The following ASTN2 variants were observed in gnomAD, a reference collection of about 807,000 sequenced individuals.
ASTN2 encodes the protein astrotactin-2.
In ASTN2, 54 loss-of-function variants were observed where a neutral mutation model predicts 139.8. That is an observed-to-expected ratio of 0.39 (90% CI 0.31 to 0.48). The LOEUF is 0.48. Among genes scored for constraint, ASTN2 ranks in the 20% least tolerant of loss-of-function variants. The probability of loss-of-function intolerance (pLI) is 0.95; values close to 1 mark genes in which losing one functional copy is unlikely to be tolerated. For missense variants in ASTN2, 1,565 were observed against 1,725.1 expected, an observed-to-expected ratio of 0.91 and a Z score of 1.64; for synonymous variants, 756 against 719.5, an observed-to-expected ratio of 1.05 and a Z score of -0.81.
chr9:116,490,508 G>GT (rs1337882075), intron 19 of ASTN2, among the ~76,000 whole-genome samples: 1 of 151,938 alleles, frequency 6.6e-6, no homozygotes, highest in Non-Finnish European at 1.5e-5. Context: ...CTTCATGAGT[G>GT]TATTAGTCAT....
intron 10 of ASTN2, among the ~76,000 whole-genome samples, chr9:116,967,301 G>T (rs1836040657): frequency 6.6e-6 from 1 of 152,206 alleles, no homozygotes; most frequent in Admixed American, 6.5e-5. Flanking sequence ...CCCAAGGTCA[G>T]CTAGTCAGTG....
intron 4 of ASTN2, among the ~76,000 whole-genome samples, chr9:117,104,398 A>T (rs1259116370): frequency 1.3e-5 from 2 of 152,198 alleles, no homozygotes; most frequent in East Asian, 3.9e-4. Flanking sequence ...TGCAGAGAAG[A>T]ATACAAAGAG....
intron 15 of ASTN2, among the ~76,000 whole-genome samples, chr9:116,726,596 C>T (rs1478086297): frequency 6.6e-6 from 1 of 152,144 alleles, no homozygotes; most frequent in African/African-American, 2.4e-5. Context: ...CCTGGTTTAG[C>T]TTCCTGTAGC....
At chr9:117,151,694 G>A (rs1830329785) in intron 3 of ASTN2, among the ~76,000 whole-genome samples, 1 of 152,070 alleles carries the variant, frequency 6.6e-6, no homozygotes, top group African/African-American at 2.4e-5. Context: ...GACAGAAAGA[G>A]TATTATGAGC....
intron 10 of ASTN2, among the ~76,000 whole-genome samples, chr9:116,923,352 T>C (rs1364685529): frequency 2.0e-5 from 3 of 152,184 alleles, no homozygotes; most frequent in Admixed American, 2.0e-4. Context: ...TTTGGGTTGA[T>C]CATGGTACCA....
chr9:117,364,959 A>T (rs1158905397), intron 1 of ASTN2, among the ~76,000 whole-genome samples: 5 of 126,642 alleles, frequency 3.9e-5, no homozygotes, highest in Non-Finnish European at 8.8e-5. Flanking sequence ...CAACACACAC[A>T]CACACACACA....
intron 16 of ASTN2, chr9:116,700,128 T>C (rs1396955805): frequency 3.8e-6 from 1 of 261,480 alleles, no homozygotes; most frequent in African/African-American, 2.3e-5. Flanking sequence ...CACTTTCTCT[T>C]GAACTCTGAT....
chr9:116,647,682 G>T (rs1247553812), intron 17 of ASTN2, among the ~76,000 whole-genome samples: 1 of 152,194 alleles, frequency 6.6e-6, no homozygotes, highest in East Asian at 1.9e-4. Context: ...GGCCCAGAAA[G>T]GCCGTCACTG....
chr9:116,982,298 C>T (rs1836532721), intron 7 of ASTN2, among the ~76,000 whole-genome samples: 1 of 152,146 alleles, frequency 6.6e-6, no homozygotes, highest in Admixed American at 6.5e-5. Context: ...GGAGCTGACA[C>T]CATATGCCTG....
At chr9:116,529,619 C>A (rs1851234594) in intron 19 of ASTN2, among the ~76,000 whole-genome samples, 1 of 151,946 alleles carries the variant, frequency 6.6e-6, no homozygotes, top group African/African-American at 2.4e-5. Flanking sequence ...TTTGCTGTAT[C>A]CCCACTCAAA....
intron 19 of ASTN2, among the ~76,000 whole-genome samples, chr9:116,528,901 G>C (rs1474525352): frequency 2.0e-5 from 3 of 152,194 alleles, no homozygotes; most frequent in Non-Finnish European, 4.4e-5. Flanking sequence ...AGGTTTGTGA[G>C]CTTCTGCCTA....
At position 116,713,353 on chromosome 9, in the gene ASTN2, C is replaced by G. The variant is rs1192722795; in HGVS notation, c.2806+12418G>C. 2.6e-5 allele frequency among the ~76,000 whole-genome samples: 4 copies of G among 152,188 alleles called. No individual in the cohort carries two copies. The East Asian group carries it at 7.8e-4, about 29-fold the overall frequency. ...GACCCTAAAGAGGAAAGCCTGGGGC[C>G]TAGGGCTGGTACATCAGATGAAGAC... On this transcript the variant is annotated intron_variant, in intron 16 of 22. Transcript: ENST00000313400.
At chr9:116,935,825 A>G (rs1324368793) in intron 10 of ASTN2, among the ~76,000 whole-genome samples, 1 of 152,156 alleles carries the variant, frequency 6.6e-6, no homozygotes, top group Non-Finnish European at 1.5e-5. Flanking sequence ...ATTTATGTTT[A>G]CCATGTTTCA....
intron 7 of ASTN2, among the ~76,000 whole-genome samples, chr9:116,981,466 G>A (rs561706893): frequency 6.6e-6 from 1 of 152,310 alleles, no homozygotes; most frequent in South Asian, 2.1e-4. Flanking sequence ...TTTTACATCA[G>A]AGCAGAAAAG....
chr9:116,667,147 G>A (rs1418244755), intron 16 of ASTN2, among the ~76,000 whole-genome samples: 1 of 151,484 alleles, frequency 6.6e-6, no homozygotes, highest in Non-Finnish European at 1.5e-5. Context: ...ATAGAGACAG[G>A]AGTTCACCAT....
intron 3 of ASTN2, among the ~76,000 whole-genome samples, chr9:117,164,852 A>T (rs1266304198): frequency 6.6e-6 from 1 of 152,124 alleles, no homozygotes; most frequent in Non-Finnish European, 1.5e-5. Flanking sequence ...GCCAAGTTGA[A>T]TGAATGCCCT....
chr9:117,385,770 G>T (rs1394823893), intron 1 of ASTN2, among the ~76,000 whole-genome samples: 1 of 152,066 alleles, frequency 6.6e-6, no homozygotes, highest in Non-Finnish European at 1.5e-5. Flanking sequence ...GATATGGAAA[G>T]AGTGATAAAA....
intron 6 of ASTN2, among the ~76,000 whole-genome samples, chr9:117,012,605 A>G (rs575538795): frequency 6.6e-6 from 1 of 152,296 alleles, no homozygotes; most frequent in African/African-American, 2.4e-5. Context: ...AAATATAGGC[A>G]TTGTCTTTGG....
At chr9:117,406,804 T>A (rs996395050) in intron 1 of ASTN2, among the ~76,000 whole-genome samples, 8 of 151,900 alleles carry the variant, frequency 5.3e-5, no homozygotes, top group African/African-American at 1.9e-4. Context: ...TTTTTCATCT[T>A]CTCACATACT....
Sources: allele counts gnomAD v4.1 joint callset (sites outside exome capture counted in the v4.1 genomes callset), GRCh38; gene constraint gnomAD v4.1.1; transcripts MANE v1.5; gene names NCBI Gene and HGNC (gene_info 2026-07-23, HGNC 2026-07-21).